PLCG2: variants seen among roughly 807,000 people sequenced by gnomAD.
The protein encoded by PLCG2 is phospholipase C gamma 2.
A neutral mutation model predicts 175.6 loss-of-function variants in PLCG2; 69 were observed. The observed-to-expected ratio is 0.39, with a 90% CI of 0.32 to 0.48. PLCG2 has a LOEUF of 0.48. PLCG2 is among the 20% of genes least tolerant of loss of function. The pLI is 0.91. For missense variants in PLCG2, 1,798 were observed against 1,650.9 expected (o/e 1.09, Z -1.54); for synonymous variants, 827 against 624.0 (o/e 1.33, Z -4.85).
intron 13 of PLCG2, chr16:81,897,929 T>C: frequency 2.2e-6 from 1 of 451,684 alleles, no homozygotes; most frequent in Non-Finnish European, 4.5e-6. Flanking sequence ...ATTATGGACG[T>C]CTTTTCGCAC....
At chr16:81,904,781 G>A (rs1909295519) in intron 14 of PLCG2, among the ~76,000 whole-genome samples, 2 of 152,226 alleles carry the variant, frequency 1.3e-5, no homozygotes, top group African/African-American at 4.8e-5. Context: ...TAGCAGTGAG[G>A]ACAGAAGACA....
chr16:81,911,724 C>T (rs1283833238), intron 18 of PLCG2, among the ~76,000 whole-genome samples: 1 of 151,742 alleles, frequency 6.6e-6, no homozygotes, highest in Non-Finnish European at 1.5e-5. Context: ...GATTCTTGTG[C>T]CTCAGCCTCC....
chr16:81,812,150 C>T (rs1049849509), intron 2 of PLCG2, among the ~76,000 whole-genome samples: 47 of 147,842 alleles, frequency 3.2e-4, no homozygotes, highest in African/African-American at 7.5e-4. Flanking sequence ...CCTGGGTTCA[C>T]GCCATTCTCC....
intron 2 of PLCG2, among the ~76,000 whole-genome samples, chr16:81,810,612 C>A (rs1464865589): frequency 6.6e-6 from 1 of 150,386 alleles, no homozygotes; most frequent in Non-Finnish European, 1.5e-5. Flanking sequence ...TTTCTGCCGT[C>A]CACTTAGTGC....
chr16:81,900,806 G>A (rs1909116814), intron 14 of PLCG2, 26 bp downstream of exon 14: 3 of 1,583,994 alleles, frequency 1.9e-6, no homozygotes, highest in Non-Finnish European at 2.6e-6. Context: ...GCTGCTGTTG[G>A]CTGTCCAGGG....
At chr16:81,777,755 C>A (rs1239999141), upstream of PLCG2, among the ~76,000 whole-genome samples, 2 of 152,036 alleles carry the variant, frequency 1.3e-5, no homozygotes, top group Non-Finnish European at 2.9e-5. Context: ...GTGGCTCATG[C>A]CTGTAATCCC....
chr16:81,826,823 C>G (rs1319229109), intron 2 of PLCG2, among the ~76,000 whole-genome samples: 2 of 152,342 alleles, frequency 1.3e-5, no homozygotes, highest in East Asian at 1.9e-4. Flanking sequence ...TCTAGTATGA[C>G]TCTCAAGGCT....
intron 31 of PLCG2, among the ~76,000 whole-genome samples, chr16:81,953,151 G>T (rs1361361445): frequency 6.6e-6 from 1 of 152,200 alleles, no homozygotes; most frequent in Non-Finnish European, 1.5e-5. Context: ...GTGTCCTGAG[G>T]GAGGAATGAG....
intron 27 of PLCG2, 54 bp from the exon 28 acceptor site, chr16:81,937,704 G>C: frequency 6.5e-7 from 1 of 1,547,750 alleles, no homozygotes. Flanking sequence ...TCCTGGCCTA[G>C]GGGGCCAGCG....
chr16:81,900,587 G>A (rs374331040), intron 13 of PLCG2, 25 bp from the exon 14 acceptor site: 1 of 1,572,680 alleles, frequency 6.4e-7, no homozygotes, highest in Non-Finnish European at 8.7e-7. Flanking sequence ...CCCCTGCCGA[G>A]CTGCCCACCC....
At chr16:81,764,647 C>T (rs1024196806) in intron 2 of PLCG2, among the ~76,000 whole-genome samples, 5 of 152,218 alleles carry the variant, frequency 3.3e-5, no homozygotes, top group Non-Finnish European at 7.3e-5. Context: ...CTAATTTTCT[C>T]CATCTTTTTT....
intron 31 of PLCG2, 103 bp downstream of exon 31, chr16:81,946,366 G>A (rs540188904): frequency 1.2e-6 from 1 of 812,948 alleles, no homozygotes; most frequent in Non-Finnish European, 2.2e-6. Context: ...AGCCCATTCA[G>A]AATTGTCTAG....
At chr16:81,812,151 G>T (rs889566342) in intron 2 of PLCG2, among the ~76,000 whole-genome samples, 1 of 146,430 alleles carries the variant, frequency 6.8e-6, no homozygotes, top group Admixed American at 7.0e-5. Flanking sequence ...CTGGGTTCAC[G>T]CCATTCTCCT....
At chr16:81,909,761 G>T (rs1398942346) in intron 17 of PLCG2, among the ~76,000 whole-genome samples, 1 of 152,188 alleles carries the variant, frequency 6.6e-6, no homozygotes, top group African/African-American at 2.4e-5. Flanking sequence ...ACACCTAAAT[G>T]ATGCTTACCA....
intron 1 of PLCG2, among the ~76,000 whole-genome samples, chr16:81,781,458 T>A (rs766991852): frequency 6.6e-6 from 1 of 152,050 alleles, no homozygotes; most frequent in Non-Finnish European, 1.5e-5. Flanking sequence ...ATTGCTTCCG[T>A]GATTTTCTGT....
rs139488059 is a variant in PLCG2, at chr16:81,786,303, G to A, written c.193+121G>A. The A allele has an allele frequency of 6.5e-3, 5,281 of 810,466 alleles. 24 individuals are homozygous for A. The highest frequency in any genetic ancestry group is 0.01 in the Middle Eastern group (27 of 2,656). The allele number at this position is 810,466 out of a possible 1,614,324, so 50.2% of individuals were successfully genotyped here. ...GTTGGTTTGATGTGTTCTTTTATTC[G>A]TCTTAAAATGAAAGCATTGCCAGTT... is the stretch of plus-strand genomic sequence containing the variant. On this transcript the variant is annotated intron_variant, in intron 2 of 32. Coordinates refer to ENST00000564138, the MANE Select transcript of PLCG2 (RefSeq NM_002661.5).
intron 1 of PLCG2, among the ~76,000 whole-genome samples, chr16:81,739,907 GCAGGTGGATCACTT>G (rs2143038005): frequency 6.6e-6 from 1 of 152,266 alleles, no homozygotes; most frequent in East Asian, 1.9e-4. Flanking sequence ...GGAGGCCAAG[GCAGGTGGATCACTT>G]GAGGTCAGGA....
chr16:81,797,720 GA>G (rs1355881061), intron 2 of PLCG2, among the ~76,000 whole-genome samples: 2 of 152,226 alleles, frequency 1.3e-5, no homozygotes, highest in Non-Finnish European at 2.9e-5. Flanking sequence ...GCACCTCTGT[GA>G]CAACTTCCTC....
At chr16:81,892,688 T>G (rs1034538498) in intron 11 of PLCG2, among the ~76,000 whole-genome samples, 1 of 152,078 alleles carries the variant, frequency 6.6e-6, no homozygotes, top group East Asian at 1.9e-4. Flanking sequence ...CAGAGGTACA[T>G]GTGCAGGTTT....
Sources: allele counts gnomAD v4.1 joint callset (sites outside exome capture counted in the v4.1 genomes callset), GRCh38; gene constraint gnomAD v4.1.1; transcripts MANE v1.5; gene names NCBI Gene and HGNC (gene_info 2026-07-23, HGNC 2026-07-21).